RIMKLB: variants seen among roughly 807,000 people sequenced by gnomAD.
RIMKLB encodes the protein ribosomal modification protein rimK like family member B.
Under a neutral mutation model 32.0 loss-of-function variants are expected in RIMKLB, and 7 were observed. The ratio of observed to expected loss-of-function variants is 0.22; its 90% CI spans 0.12 to 0.41. The LOEUF is 0.41. Among genes scored for constraint, RIMKLB ranks in the 10% least tolerant of loss-of-function variants. The pLI is 1.00. For synonymous variants in RIMKLB, 172 were observed against 185.1 expected (o/e 0.93, Z 0.57); for missense variants, 289 against 498.7 (o/e 0.58, Z 4.00).
chr12:8,679,169 C>CATT (rs1942362184), upstream of RIMKLB: 1 of 152,094 alleles, frequency 6.6e-6, no homozygotes, highest in Non-Finnish European at 1.5e-5. Flanking sequence ...GTTTTCTGAG[C>CATT]CATTTATTCT....
In RIMKLB at chr12:8,774,635, CAA is replaced by C; in HGVS notation, c.*852_*853del. 2.0e-6 allele frequency: 2 copies of C among 977,972 alleles called. No individual in the cohort carries two copies. Among genetic ancestry groups the C allele is most frequent in the South Asian group, 9.6e-5 (2 of 20,826 alleles). 60.6% of individuals were successfully genotyped at this position (977,972 alleles called of 1,614,324 possible). On this transcript the variant is annotated 3_prime_UTR_variant, in exon 6 of 6. Transcript: ENST00000535829. ...TCCTGCTCTATGCCTGCATCTTTAA[CAA>C]TGGCCAAAGTGAAGAAAATGCTACC...
At chr12:8,670,011 A>G in the RIMKLB span, among the ~76,000 whole-genome samples, 2 of 141,192 alleles carry the variant, frequency 1.4e-5, no homozygotes, top group African/African-American at 2.7e-5. Flanking sequence ...TGGGCGACAG[A>G]GCAAGACTCC....
chr12:8,737,708 T>TTC (rs1303706089), intron 2 of RIMKLB, among the ~76,000 whole-genome samples: 1 of 152,088 alleles, frequency 6.6e-6, no homozygotes, highest in Non-Finnish European at 1.5e-5. Context: ...AGGAAGGATT[T>TTC]TCTCTCTCTC....
At chr12:8,777,515 C>A, downstream of RIMKLB, 1 of 1,189,068 alleles carries the variant, frequency 8.4e-7, no homozygotes, top group Non-Finnish European at 1.1e-6. Context: ...TTTGAAGATC[C>A]TTAATGTTTT....
chr12:8,708,999 G>A (rs1304861780), intron 1 of RIMKLB, among the ~76,000 whole-genome samples: 1 of 152,188 alleles, frequency 6.6e-6, no homozygotes, highest in African/African-American at 2.4e-5. Flanking sequence ...GAGAGGATGG[G>A]ATTGGTTGAC....
intron 1 of RIMKLB, among the ~76,000 whole-genome samples, chr12:8,701,239 G>A (rs192957887): frequency 1.3e-5 from 2 of 152,136 alleles, no homozygotes; most frequent in Admixed American, 6.6e-5. Flanking sequence ...TAATTGTCTC[G>A]GAATTTTCTG....
chr12:8,742,934 T>C lies in RIMKLB; in HGVS notation c.176-6928T>C, dbSNP rs189135572. On this transcript the variant is annotated intron_variant, in intron 2 of 5. Coordinates refer to ENST00000535829, the MANE Select transcript of RIMKLB (RefSeq NM_001297776.2). ...CCCATGCAGCAACAAGGGAGCTCTCTCAGGGGGTCCAATGTGGTAGATGTT... is the reference window on the plus strand; with the variant it reads ...CCCATGCAGCAACAAGGGAGCTCTCCCAGGGGGTCCAATGTGGTAGATGTT... The C allele has an allele frequency of 4.6e-4, 78 of 168,396 alleles. No individual in the cohort carries two copies. The East Asian group carries it at 0.012, about 26-fold the overall frequency. 10.4% of individuals were successfully genotyped at this position (168,396 alleles called of 1,614,324 possible).
intron 7 of RIMKLB, among the ~76,000 whole-genome samples, chr12:8,782,408 C>T (rs1369859687): frequency 6.6e-6 from 1 of 152,028 alleles, no homozygotes. Context: ...GTTTTATACA[C>T]ACACACATAT....
intron 5 of RIMKLB, among the ~76,000 whole-genome samples, chr12:8,767,666 C>T (rs557465304): frequency 9.7e-4 from 148 of 152,232 alleles, no homozygotes; most frequent in Non-Finnish European, 1.3e-3. Context: ...ACCAGGAGTT[C>T]GGGATGACAG....
chr12:8,674,569 G>T, the RIMKLB span, among the ~76,000 whole-genome samples: 1 of 150,252 alleles, frequency 6.7e-6, no homozygotes, highest in Non-Finnish European at 1.5e-5. Context: ...GGGACCAGGG[G>T]TCCGGCGTCT....
Position 8,773,761 on chromosome 12 carries a change from G to T in RIMKLB, c.1138G>T (p.Glu380Ter), listed in dbSNP as rs1210965408. The change falls in exon 6 of 6, where the codon GAA becomes TAA. Residue 380 changes from glutamate to a stop codon, truncating the protein, a stop_gained. Transcript: ENST00000535829. LOFTEE classifies it high-confidence loss of function. ...CAACATGAACCAGCTGCTAGCCAAT[G>T]AAATCAAACTACTGGTGGACTGACT... is the stretch of plus-strand genomic sequence containing the variant. ...LFNMNQLLAN[E>*]IKLLVD The T allele has an allele frequency of 2.5e-6, 4 of 1,613,086 alleles. No individual in the cohort carries two copies. The highest frequency in any genetic ancestry group is 3.4e-6 in the Non-Finnish European group (4 of 1,179,254).
chr12:8,674,573 G>C, the RIMKLB span, among the ~76,000 whole-genome samples: 1 of 151,482 alleles, frequency 6.6e-6, no homozygotes, highest in Admixed American at 6.6e-5. Context: ...CCAGGGGTCC[G>C]GCGTCTCGCC....
Position 8,746,021 on chromosome 12 carries a change from A to G in RIMKLB, c.176-3841A>G, listed in dbSNP as rs375136859. Among the ~76,000 whole-genome samples, 60 of 152,008 alleles carry G rather than the reference A, an allele frequency of 3.9e-4. 3 individuals carry two copies. Among genetic ancestry groups the G allele is most frequent in the African/African-American group, 1.4e-3 (57 of 41,294 alleles). ...CATAAATTAATATTTAAACATAAAT[A>G]CACAGTTTTCACTCCACCAGTATGA... On this transcript the variant is annotated intron_variant, in intron 2 of 5. Transcript: ENST00000535829.
upstream of RIMKLB, among the ~76,000 whole-genome samples, chr12:8,696,112 A>G (rs760408281): frequency 5.3e-5 from 8 of 152,302 alleles, no homozygotes; most frequent in Non-Finnish European, 8.8e-5. Context: ...TGGATTCCTT[A>G]AGAGTGGGAC....
intron 1 of RIMKLB, among the ~76,000 whole-genome samples, chr12:8,703,974 C>T (rs961541617): frequency 2.6e-5 from 4 of 152,108 alleles, no homozygotes; most frequent in African/African-American, 9.7e-5. Context: ...AATCTTAATT[C>T]CAGTCTTGGG....
chr12:8,778,514 G>C (rs749866051), downstream of RIMKLB, among the ~76,000 whole-genome samples: 1 of 152,146 alleles, frequency 6.6e-6, no homozygotes, highest in Non-Finnish European at 1.5e-5. Flanking sequence ...TGAACAGATA[G>C]GAGGACATTT....
chr12:8,712,291 G>A (rs776263431), intron 1 of RIMKLB, among the ~76,000 whole-genome samples: 1 of 152,128 alleles, frequency 6.6e-6, no homozygotes, highest in Non-Finnish European at 1.5e-5. Flanking sequence ...TAGGTATGGT[G>A]GCACATGCTA....
chr12:8,779,906 A>G (rs1950934288), downstream of RIMKLB: 1 of 152,162 alleles, frequency 6.6e-6, no homozygotes. Context: ...GTATGTATGT[A>G]TACAGTTTGA....
At chr12:8,781,986 ATGGTTC>A (rs1951090596), downstream of RIMKLB, among the ~76,000 whole-genome samples, 1 of 151,226 alleles carries the variant, frequency 6.6e-6, no homozygotes, top group Admixed American at 6.6e-5. Flanking sequence ...TGAAAGGCAT[ATGGTTC>A]TTATCTTATT....
Sources: gnomAD v4.1 joint callset for allele counts (sites outside exome capture counted in the v4.1 genomes callset) on GRCh38, gnomAD v4.1.1 for gene constraint, MANE v1.5 for transcripts, NCBI Gene and HGNC (gene_info 2026-07-23, HGNC 2026-07-21) for gene names.